Variants in GPR149 observed in about 807,000 individuals in gnomAD.
GPR149 encodes probable G protein-coupled receptor 149.
GPR149 carries 50 observed loss-of-function variants against 50.2 expected under a neutral mutation model. That is an observed-to-expected ratio of 1.00 (90% CI 0.79 to 1.26). GPR149 has a LOEUF of 1.26. Ranked by LOEUF, GPR149 falls within the 50% of genes most tolerant of loss-of-function variation. The probability of loss-of-function intolerance (pLI) is 0.00; values close to 1 mark genes in which losing one functional copy is unlikely to be tolerated. For synonymous variants in GPR149, 405 were observed against 358.2 expected, an observed-to-expected ratio of 1.13 and a Z score of -1.48; for missense variants, 983 against 895.4, an observed-to-expected ratio of 1.10 and a Z score of -1.25.
rs1184853914 is a variant in GPR149, at chr3:154,360,893, TAAGAC to T, written c.1624-22627_1624-22623del. 3.9e-5 allele frequency among the ~76,000 whole-genome samples: 6 copies of T among 152,186 alleles called. No homozygotes were observed. The South Asian group carries it at 1.0e-3, about 26-fold the overall frequency. On this transcript the variant is annotated intron_variant, in intron 3 of 3. Coordinates refer to ENST00000389740, the MANE Select transcript of GPR149 (RefSeq NM_001038705.3). ...TTAAAAACAATAAAGTAATTATTCT[TAAGAC>T]AAAACTGAACACAACTAATTTCTCT...
chr3:154,366,005 T>C (rs1166246804), intron 3 of GPR149, among the ~76,000 whole-genome samples: 4 of 152,208 alleles, frequency 2.6e-5, no homozygotes, highest in Non-Finnish European at 5.9e-5. Context: ...CCATTATCTA[T>C]TTCCAAAGCT....
intron 3 of GPR149, among the ~76,000 whole-genome samples, chr3:154,372,497 C>G (rs1261430568): frequency 6.6e-6 from 1 of 152,186 alleles, no homozygotes; most frequent in Non-Finnish European, 1.5e-5. Context: ...GATCCTGTCT[C>G]CCTTGCCATG....
chr3:154,395,663 G>T (rs1035762484), intron 3 of GPR149, among the ~76,000 whole-genome samples: 1 of 152,104 alleles, frequency 6.6e-6, no homozygotes, highest in South Asian at 2.1e-4. Context: ...AGGCATGGTG[G>T]TGTGTGCCTG....
At chr3:154,352,479 C>T in intron 3 of GPR149, 2 of 781,608 alleles carry the variant, frequency 2.6e-6, no homozygotes, top group East Asian at 4.9e-5. Context: ...TTTCAGGAGG[C>T]ACACACTGGT....
intron 3 of GPR149, among the ~76,000 whole-genome samples, chr3:154,388,503 G>A (rs532866694): frequency 9.2e-5 from 14 of 151,962 alleles, no homozygotes; most frequent in Admixed American, 2.6e-4. Flanking sequence ...ATTTTTCTTA[G>A]TTTCTATATA....
intron 3 of GPR149, chr3:154,352,526 A>T: frequency 1.3e-6 from 1 of 774,642 alleles, no homozygotes; most frequent in Non-Finnish European, 2.4e-6. Context: ...GCTTTCTATT[A>T]AGTTCTTTCC....
At chr3:154,368,552 T>C (rs1191619382) in intron 3 of GPR149, among the ~76,000 whole-genome samples, 1 of 152,226 alleles carries the variant, frequency 6.6e-6, no homozygotes, top group African/African-American at 2.4e-5. Flanking sequence ...GCCTCTCAAG[T>C]ACAATCTGTG....
intron 3 of GPR149, among the ~76,000 whole-genome samples, chr3:154,363,501 G>C (rs1017422931): frequency 5.3e-5 from 8 of 152,086 alleles, no homozygotes; most frequent in African/African-American, 1.7e-4. Flanking sequence ...TAGCAAAAAT[G>C]ACAGGGAAGA....
At chr3:154,353,469 A>G in intron 3 of GPR149, 1 of 920,444 alleles carries the variant, frequency 1.1e-6, no homozygotes, top group Non-Finnish European at 1.8e-6. Context: ...CACTTCATCA[A>G]GCACAACATG....
chr3:154,357,038 G>A (rs1473113087), intron 3 of GPR149, among the ~76,000 whole-genome samples: 2 of 152,102 alleles, frequency 1.3e-5, no homozygotes, highest in African/African-American at 4.8e-5. Flanking sequence ...CATATTTACA[G>A]CCATCTGATC....
intron 3 of GPR149, among the ~76,000 whole-genome samples, chr3:154,367,983 T>C (rs1714580294): frequency 6.6e-6 from 1 of 151,798 alleles, no homozygotes; most frequent in Non-Finnish European, 1.5e-5. Flanking sequence ...GACACGGGTG[T>C]CAGGCTGTCT....
intron 3 of GPR149, among the ~76,000 whole-genome samples, chr3:154,383,470 G>A (rs1714976575): frequency 6.6e-6 from 1 of 152,144 alleles, no homozygotes; most frequent in Non-Finnish European, 1.5e-5. Flanking sequence ...GTCCTTCACA[G>A]TGAATATGGG....
intron 3 of GPR149, among the ~76,000 whole-genome samples, chr3:154,384,163 C>A (rs1283154565): frequency 1.3e-5 from 2 of 152,096 alleles, no homozygotes; most frequent in South Asian, 4.1e-4. Flanking sequence ...ACTTAAAGGA[C>A]ATTTAGAAAA....
chr3:154,407,719 C>CACAT (rs759884952), intron 3 of GPR149, among the ~76,000 whole-genome samples: 1 of 150,372 alleles, frequency 6.7e-6, no homozygotes, highest in Non-Finnish European at 1.5e-5. Flanking sequence ...CACACACACA[C>CACAT]ATATATATAT....
chr3:154,409,416 A>G (rs1473020716), intron 3 of GPR149, among the ~76,000 whole-genome samples: 1 of 152,212 alleles, frequency 6.6e-6, no homozygotes, highest in Non-Finnish European at 1.5e-5. Context: ...GAGAAGGTCA[A>G]TTATTAAGCT....
intron 3 of GPR149, among the ~76,000 whole-genome samples, chr3:154,387,332 C>T (rs963929881): frequency 6.6e-6 from 1 of 152,160 alleles, no homozygotes; most frequent in African/African-American, 2.4e-5. Context: ...ATTATCTGTG[C>T]CCTCCTGTTC....
chr3:154,377,295 T>G (rs2689326), intron 3 of GPR149, among the ~76,000 whole-genome samples: 103,987 of 149,812 alleles, frequency 0.69, 37,000 homozygotes, highest in Non-Finnish European at 0.78. Flanking sequence ...CATGTCTTTG[T>G]AAGCTAATAT....
chr3:154,429,288 A>T lies in GPR149; in HGVS notation c.328T>A (p.Leu110Ile). The change falls in exon 1 of 4, where the codon TTA becomes ATA. Residue 110 changes from leucine (L) to isoleucine (I), a missense_variant. Coordinates refer to ENST00000389740, the MANE Select transcript of GPR149 (RefSeq NM_001038705.3). ...YFQFLCTTSA[L>I]MYLCQGLSSN... is the part of the protein sequence containing the mutation. ...GAGAGGCCCTGGCATAAATACATTA[A>T]GGCAGAGGTGGTGCACAGAAATTGG... 1.2e-6 allele frequency: 2 copies of T among 1,614,202 alleles called. No individual in the cohort carries two copies. The highest frequency in any genetic ancestry group is 2.2e-5 in the South Asian group (2 of 91,080).
chr3:154,350,820 C>T (rs1460155914), intron 3 of GPR149, among the ~76,000 whole-genome samples: 1 of 152,136 alleles, frequency 6.6e-6, no homozygotes, highest in Non-Finnish European at 1.5e-5. Flanking sequence ...TCTTCAGATG[C>T]TTAAGTCCCT....
Sources: allele counts gnomAD v4.1 joint callset (sites outside exome capture counted in the v4.1 genomes callset), GRCh38; gene constraint gnomAD v4.1.1; transcripts MANE v1.5; gene names NCBI Gene and HGNC (gene_info 2026-07-23, HGNC 2026-07-21).